CMKLR1: variants seen among roughly 807,000 people sequenced by gnomAD.
CMKLR1 encodes chemerin chemokine-like receptor 1.
A neutral mutation model predicts 8.2 loss-of-function variants in CMKLR1; 6 were observed. The ratio of observed to expected loss-of-function variants is 0.73; its 90% CI spans 0.40 to 1.44. The LOEUF (loss-of-function observed/expected upper bound fraction) is 1.44, where lower values mean the gene tolerates loss of function less well. CMKLR1 is among the 40% of genes most tolerant of loss of function. The probability of loss-of-function intolerance (pLI) is 0.02; values close to 1 mark genes in which losing one functional copy is unlikely to be tolerated. For synonymous variants in CMKLR1, 178 were observed against 181.2 expected (o/e 0.98, Z 0.14); for missense variants, 429 against 478.0 (o/e 0.90, Z 0.96).
At chr12:108,331,985 ATATACACTT>A (rs1340859203) in intron 1 of CMKLR1, among the ~76,000 whole-genome samples, 1 of 152,160 alleles carries the variant, frequency 6.6e-6, no homozygotes, top group African/African-American at 2.4e-5. Context: ...AACAGGAAAC[ATATACACTT>A]GCTACCTGAA....
chr12:108,292,556 T>C lies in CMKLR1; in HGVS notation c.407A>G (p.Asp136Gly), dbSNP rs748726343. The C allele has an allele frequency of 6.2e-7, 1 of 1,614,024 alleles. No homozygotes were observed. Residue 136 changes from aspartate to glycine, a missense_variant, in exon 4 of 4, where the codon GAC becomes GGC. By Grantham distance (94) the Asp-to-Gly change is moderately conservative. Transcript: ENST00000550402. The stretch of plus-strand genomic sequence containing the variant: ...AGGGAGGAGCACAGAGATGCAGCGG[T>C]CAGAGCTGATGATGGTCAGCAGGAA... ...SVFLLTIISSDRCISVLLPVW... is the reference protein window; with the variant it reads ...SVFLLTIISSGRCISVLLPVW...
chr12:108,304,503 G>T (rs1891356292), intron 2 of CMKLR1, among the ~76,000 whole-genome samples: 1 of 152,080 alleles, frequency 6.6e-6, no homozygotes, highest in Non-Finnish European at 1.5e-5. Flanking sequence ...TCTGTCCTTT[G>T]TCTCTTTCCC....
intron 2 of CMKLR1, among the ~76,000 whole-genome samples, chr12:108,317,447 A>G (rs1891761508): frequency 6.6e-6 from 1 of 152,134 alleles, no homozygotes; most frequent in African/African-American, 2.4e-5. Context: ...GGTCATGAGG[A>G]TGATGTGGAC....
chr12:108,311,607 C>A (rs1891578113), intron 2 of CMKLR1, among the ~76,000 whole-genome samples: 1 of 152,164 alleles, frequency 6.6e-6, no homozygotes, highest in African/African-American at 2.4e-5. Flanking sequence ...GCCTGGGTGA[C>A]AGAGCAAGAC....
At chr12:108,337,283 G>A (rs1157197051) in intron 1 of CMKLR1, among the ~76,000 whole-genome samples, 10 of 152,246 alleles carry the variant, frequency 6.6e-5, no homozygotes, top group Admixed American at 6.5e-4. Context: ...AAATCATCTC[G>A]AGAAAGTGGT....
chr12:108,300,469 GAAT>G (rs1891238569), intron 2 of CMKLR1, among the ~76,000 whole-genome samples: 1 of 55,872 alleles, frequency 1.8e-5, no homozygotes, highest in Admixed American at 2.7e-4. Flanking sequence ...ATTGTTTGAT[GAAT>G]GAATGAATGA....
chr12:108,303,316 C>A (rs1891326684), intron 2 of CMKLR1, among the ~76,000 whole-genome samples: 1 of 152,234 alleles, frequency 6.6e-6, no homozygotes, highest in Non-Finnish European at 1.5e-5. Context: ...CGCTGCCGGA[C>A]CCTTGCTGGG....
chr12:108,298,884 G>T (rs1450918086), intron 2 of CMKLR1, among the ~76,000 whole-genome samples: 1 of 152,216 alleles, frequency 6.6e-6, no homozygotes, highest in Non-Finnish European at 1.5e-5. Context: ...AGTCATACTG[G>T]TCCATTCCCT....
chr12:108,317,753 C>A (rs1045340049), intron 2 of CMKLR1: 5 of 152,198 alleles, frequency 3.3e-5, no homozygotes, highest in African/African-American at 1.2e-4. Flanking sequence ...GCTGACCAGG[C>A]ATCACAACTC....
At chr12:108,331,703 A>G (rs1241377437) in intron 1 of CMKLR1, among the ~76,000 whole-genome samples, 1 of 152,216 alleles carries the variant, frequency 6.6e-6, no homozygotes, top group Non-Finnish European at 1.5e-5. Flanking sequence ...ACAGAGAGGC[A>G]GGAGAGTCAA....
intron 2 of CMKLR1, among the ~76,000 whole-genome samples, chr12:108,305,268 T>C (rs945733863): frequency 2.6e-5 from 4 of 152,158 alleles, no homozygotes; most frequent in African/African-American, 9.7e-5. Context: ...TCCATAGATT[T>C]GCAAATAGGG....
At chr12:108,335,735 A>G (rs1300919501) in intron 1 of CMKLR1, among the ~76,000 whole-genome samples, 1 of 152,228 alleles carries the variant, frequency 6.6e-6, no homozygotes, top group South Asian at 2.1e-4. Flanking sequence ...ATGGAGCTAC[A>G]AAGATTCTTA....
chr12:108,319,874 C>T (rs966713732), intron 2 of CMKLR1, among the ~76,000 whole-genome samples: 4 of 152,156 alleles, frequency 2.6e-5, no homozygotes, highest in Non-Finnish European at 5.9e-5. Context: ...ACACATTTCT[C>T]ATTCTTACAT....
At chr12:108,325,482 A>C (rs1237751329) in intron 2 of CMKLR1, among the ~76,000 whole-genome samples, 1 of 152,200 alleles carries the variant, frequency 6.6e-6, no homozygotes. Context: ...GCCCAATTCC[A>C]ACTTCCCCAA....
chr12:108,293,640 A>G lies in CMKLR1; in HGVS notation c.-49T>C. ...CTCCAATGTGAGTCCTCAGCCAATC[A>G]GTCCCTGTACACAGCTAGAAACACC... On this transcript the variant is annotated 5_prime_UTR_variant, in exon 3 of 4. Coordinates refer to ENST00000550402, the MANE Select transcript of CMKLR1 (RefSeq NM_001142343.2). The G allele has an allele frequency of 1.3e-6, 2 of 1,531,364 alleles. No individual in the cohort carries two copies. The highest frequency in any genetic ancestry group is 1.4e-5 in the African/African-American group (1 of 71,744). The allele number at this position is 1,531,364 out of a possible 1,614,324, so 94.9% of individuals were successfully genotyped here. A position where few individuals can be genotyped will look rare whatever the true frequency, so the allele number is the denominator to read the frequency against.
At chr12:108,301,071 C>CTTTTTTT (rs11303250) in intron 2 of CMKLR1, among the ~76,000 whole-genome samples, 2 of 90,390 alleles carry the variant, frequency 2.2e-5, no homozygotes, top group Admixed American at 1.4e-4. Flanking sequence ...CCACCCAAGT[C>CTTTTTTT]TTTTTTTTTT....
intron 2 of CMKLR1, chr12:108,318,034 A>G (rs184437753): frequency 4.6e-5 from 7 of 152,342 alleles, no homozygotes; most frequent in African/African-American, 1.7e-4. Context: ...TCTTATTAGT[A>G]TATTCATATG....
intron 2 of CMKLR1, among the ~76,000 whole-genome samples, chr12:108,296,906 A>C (rs1024261609): frequency 8.5e-5 from 13 of 152,106 alleles, no homozygotes; most frequent in Non-Finnish European, 1.8e-4. Flanking sequence ...GGGTAAGAAC[A>C]CCTTCCTCGT....
chr12:108,295,479 T>C (rs1250480095), intron 2 of CMKLR1, among the ~76,000 whole-genome samples: 1 of 152,210 alleles, frequency 6.6e-6, no homozygotes, highest in Non-Finnish European at 1.5e-5. Flanking sequence ...ATGGCCTTAC[T>C]AGGGTCCCTT....
Sources: gnomAD v4.1 joint callset for allele counts (sites outside exome capture counted in the v4.1 genomes callset) on GRCh38, gnomAD v4.1.1 for gene constraint, MANE v1.5 for transcripts, NCBI Gene and HGNC (gene_info 2026-07-23, HGNC 2026-07-21) for gene names.